Variants in CHRNA10 observed in about 807,000 individuals in gnomAD.
CHRNA10 encodes cholinergic receptor nicotinic alpha 10 subunit.
In CHRNA10, 31 loss-of-function variants were observed where a neutral mutation model predicts 36.0. The observed-to-expected ratio is 0.86, with a 90% CI of 0.65 to 1.16. The LOEUF is 1.16. Among genes scored for constraint, CHRNA10 ranks in the 50% most tolerant of loss-of-function variants. CHRNA10 has a pLI of 0.00. For missense variants in CHRNA10, 648 were observed against 640.9 expected, an observed-to-expected ratio of 1.01 and a Z score of -0.12; for synonymous variants, 302 against 287.0, an observed-to-expected ratio of 1.05 and a Z score of -0.53.
rs781054729 is a variant in CHRNA10 at position 3,669,264 on chromosome 11, A to G, written c.294T>C (p.Tyr98=). The change falls in exon 3 of 5, where the codon TAT becomes TAC. Residue 98 remains tyrosine (Y), a synonymous_variant. Transcript: ENST00000250699. ...DAYLRWDPNA[Y]GGLDAIRIPS... is the part of the protein sequence containing the mutation. ...GGATGCGGATGGCATCCAGGCCACCATAGGCATTGGGGTCCCATCGTAGGT... is the reference window on the plus strand; with the variant it reads ...GGATGCGGATGGCATCCAGGCCACCGTAGGCATTGGGGTCCCATCGTAGGT... 1 of 1,613,956 alleles carries G rather than the reference A, an allele frequency of 6.2e-7. No individual in the cohort carries two copies. Among genetic ancestry groups the G allele is most frequent in the African/African-American group, 1.3e-5 (1 of 74,906 alleles).
Position 3,665,886 on chromosome 11 carries a change from C to T in CHRNA10, c.*221G>A, listed in dbSNP as rs899930528. On this transcript the variant is annotated 3_prime_UTR_variant, in exon 5 of 5. Coordinates refer to ENST00000250699, the MANE Select transcript of CHRNA10 (RefSeq NM_020402.4). ...TGATCTTGGCCTTTGTAGAGTTCCT[C>T]TTTTTTTTGGAATTAGGGGAGTGGC... The T allele has an allele frequency of 7.7e-5, 37 of 478,574 alleles. No homozygotes were observed. Among genetic ancestry groups the T allele is most frequent in the African/African-American group, 6.5e-4 (33 of 51,004 alleles). The allele number at this position is 478,574 out of a possible 1,614,324, so 29.6% of individuals were successfully genotyped here.
At chr11:3,668,084 C>T (rs2077683298) in intron 3 of CHRNA10, among the ~76,000 whole-genome samples, 2 of 152,202 alleles carry the variant, frequency 1.3e-5, no homozygotes, top group South Asian at 4.1e-4. Flanking sequence ...GGTGGCTGTC[C>T]TTTGTCTTGC....
chr11:3,671,011 C>G (rs76330312), intron 1 of CHRNA10: 7,832 of 570,438 alleles, frequency 0.014, 450 homozygotes, highest in African/African-American at 0.12. Flanking sequence ...AACATCTGGC[C>G]CCTCTGATTT....
chr11:3,670,345 T>C (rs1253675520), intron 1 of CHRNA10, among the ~76,000 whole-genome samples: 1 of 152,050 alleles, frequency 6.6e-6, no homozygotes, highest in East Asian at 1.9e-4. Flanking sequence ...CTCGAGCTGG[T>C]TTCTTCAAAA....
chr11:3,665,810 G>C lies in CHRNA10; in HGVS notation c.*297C>G, dbSNP rs758489275. 40 of 316,060 alleles carry C rather than the reference G, an allele frequency of 1.3e-4. No individual in the cohort carries two copies. The highest frequency in any genetic ancestry group is 2.1e-4 in the Non-Finnish European group (37 of 172,666). The allele number at this position is 316,060 out of a possible 1,614,324, so 19.6% of individuals were successfully genotyped here. On this transcript the variant is annotated 3_prime_UTR_variant, in exon 5 of 5. Transcript: ENST00000250699. ...TTATAACCCATGTGCTCCCCACTGAGAGCTCCAATACCCAGCACAAACAAT... is the reference window on the plus strand; with the variant it reads ...TTATAACCCATGTGCTCCCCACTGACAGCTCCAATACCCAGCACAAACAAT...
chr11:3,671,341 G>A lies in CHRNA10; in HGVS notation c.-29C>T. On this transcript the variant is annotated 5_prime_UTR_variant, in exon 1 of 5. Coordinates refer to ENST00000250699, the MANE Select transcript of CHRNA10 (RefSeq NM_020402.4). ...CCTGGCACTGCAAGAGCGGGGGCAGGTCTCTGGATGTGAGGCCTCCTGGCC... is the reference window on the plus strand; with the variant it reads ...CCTGGCACTGCAAGAGCGGGGGCAGATCTCTGGATGTGAGGCCTCCTGGCC... The A allele has an allele frequency of 1.9e-6, 3 of 1,613,076 alleles. No individual in the cohort carries two copies. Among genetic ancestry groups the A allele is most frequent in the Non-Finnish European group, 2.5e-6 (3 of 1,179,260 alleles).
At chr11:3,669,675 T>C in intron 2 of CHRNA10, 121 bp downstream of exon 2, 1 of 1,346,732 alleles carries the variant, frequency 7.4e-7, no homozygotes, top group African/African-American at 1.4e-5. Context: ...ACTGCTACCT[T>C]TGTTAATATT....
chr11:3,669,062 G>A (rs2077693133), intron 3 of CHRNA10, 134 bp downstream of exon 3: 2 of 986,416 alleles, frequency 2.0e-6, no homozygotes, highest in South Asian at 3.4e-5. Flanking sequence ...CAGCTTAGAA[G>A]GGTCCTGGGG....
At chr11:3,667,889 G>C (rs2077681204) in intron 3 of CHRNA10, 125 bp from the exon 4 acceptor site, 14 of 862,238 alleles carry the variant, frequency 1.6e-5, no homozygotes, top group Non-Finnish European at 2.2e-5. Flanking sequence ...GAATATTGAG[G>C]CTCGTTAAGT....
At position 3,666,244 on chromosome 11, in the gene CHRNA10, A is replaced by G. The variant is rs55650071; in HGVS notation, c.1216T>C (p.Phe406Leu). 6.2e-7 allele frequency: 1 copy of G among 1,614,114 alleles called. No homozygotes were observed. Among genetic ancestry groups the G allele is most frequent in the South Asian group, 1.1e-5 (1 of 91,086 alleles). Residue 406 changes from phenylalanine (F) to leucine (L), a missense_variant, in exon 5 of 5, where the codon TTC becomes CTC. Coordinates refer to ENST00000250699, the MANE Select transcript of CHRNA10 (RefSeq NM_020402.4). ...CGCTGGGCAGCTCGGTGGCTGCGGA[A>G]GGTATTGGCAATGGTGGCTACGTGG... ...LHHVATIANTFRSHRAAQRCH... is the reference protein window; with the variant it reads ...LHHVATIANTLRSHRAAQRCH...
chr11:3,669,781 A>G lies in CHRNA10; in HGVS notation c.207+15T>C, dbSNP rs780524162. The G allele has an allele frequency of 6.2e-7, 1 of 1,614,034 alleles. No individual in the cohort carries two copies. Among genetic ancestry groups the G allele is most frequent in the Non-Finnish European group, 8.5e-7 (1 of 1,179,970 alleles). ...ACAGGTAAGACTCCACAGCTGTACCACCACCACAACGCACCATGTCGATGA... is the reference window on the plus strand; with the variant it reads ...ACAGGTAAGACTCCACAGCTGTACCGCCACCACAACGCACCATGTCGATGA... On this transcript the variant is annotated intron_variant, in intron 2 of 4. Transcript: ENST00000250699.
intron 3 of CHRNA10, 160 bp downstream of exon 3, chr11:3,669,036 G>A: frequency 2.8e-6 from 2 of 726,374 alleles, no homozygotes; most frequent in Non-Finnish European, 4.4e-6. Flanking sequence ...GTGCCATGGA[G>A]GGGCTGAGTG....
chr11:3,666,189 C>T lies in CHRNA10; in HGVS notation c.1271G>A (p.Arg424His), dbSNP rs370972331. The change falls in exon 5 of 5, where the codon CGT becomes CAT. Residue 424 changes from arginine (R) to histidine (H), a missense_variant. Physicochemically the swap from Arg to His is conservative, Grantham distance 29. Transcript: ENST00000250699. ...RCHEDWKRLARVMDRFFLAIF... is the reference protein window; with the variant it reads ...RCHEDWKRLAHVMDRFFLAIF... ...GGCCAGGAAGAAGCGGTCCATCACA[C>T]GGGCCAGGCGCTTCCAGTCCTCATG... The T allele has an allele frequency of 3.3e-5, 53 of 1,612,192 alleles. No homozygotes were observed. The highest frequency in any genetic ancestry group is 1.1e-4 in the East Asian group (5 of 44,868).
At chr11:3,669,160 G>A (rs900507083) in intron 3 of CHRNA10, 36 bp downstream of exon 3, 11 of 1,595,012 alleles carry the variant, frequency 6.9e-6, no homozygotes, top group Non-Finnish European at 9.4e-6. Context: ...AGTCTAGAGA[G>A]GGGTAAGAGA....
chr11:3,668,282 G>A (rs879720430), intron 3 of CHRNA10, among the ~76,000 whole-genome samples: 3 of 152,160 alleles, frequency 2.0e-5, no homozygotes, highest in Non-Finnish European at 4.4e-5. Context: ...GGGAGGCCGA[G>A]GTGGGCGGAT....
rs775716922 is a variant in CHRNA10 at position 3,669,855 on chromosome 11, C to G, written c.148G>C (p.Asp50His). The change falls in exon 2 of 5, where the codon GAC (aspartate) becomes CAC (histidine). Residue 50 changes from aspartate to histidine, a missense_variant. Physicochemically the swap from Asp to His is moderately conservative, Grantham distance 81. Coordinates refer to ENST00000250699, the MANE Select transcript of CHRNA10 (RefSeq NM_020402.4). Reference sequence around the variant, plus strand: ...GTCACATTCAGAGTCTGGTCTGTGTCTGCCACAGGTCTCAGGGCACTTGTG... The same window carrying G: ...GTCACATTCAGAGTCTGGTCTGTGTGTGCCACAGGTCTCAGGGCACTTGTG... ...NYTSALRPVADTDQTLNVTLE... is the reference protein window; with the variant it reads ...NYTSALRPVAHTDQTLNVTLE... The G allele has an allele frequency of 1.2e-4, 201 of 1,614,062 alleles. No individual in the cohort carries two copies. Among genetic ancestry groups the G allele is most frequent in the Non-Finnish European group, 1.6e-4 (191 of 1,180,026 alleles).
intron 1 of CHRNA10, among the ~76,000 whole-genome samples, chr11:3,670,410 A>G (rs1347705388): frequency 6.6e-6 from 1 of 152,166 alleles, no homozygotes; most frequent in South Asian, 2.1e-4. Flanking sequence ...CCCAGGCTTT[A>G]CTGACACAAA....
At chr11:3,668,881 C>A in intron 3 of CHRNA10, 1 of 244,016 alleles carries the variant, frequency 4.1e-6, no homozygotes, top group South Asian at 9.6e-5. Context: ...GACCCTTACA[C>A]AGGCTCTTCG....
intron 4 of CHRNA10, among the ~76,000 whole-genome samples, chr11:3,666,768 C>G (rs2077665706): frequency 6.6e-6 from 1 of 152,142 alleles, no homozygotes. Context: ...AGCTACTGCT[C>G]TCTAATTGCT....
Sources: allele counts gnomAD v4.1 joint callset (sites outside exome capture counted in the v4.1 genomes callset), GRCh38; gene constraint gnomAD v4.1.1; transcripts MANE v1.5; gene names NCBI Gene and HGNC (gene_info 2026-07-23, HGNC 2026-07-21).